DNAH12: variants seen among roughly 807,000 people sequenced by gnomAD.
DNAH12 encodes the protein axonemal beta dynein heavy chain 12.
In DNAH12, 285 loss-of-function variants were observed where a neutral mutation model predicts 371.5. That is an observed-to-expected ratio of 0.77 (90% CI 0.70 to 0.85). DNAH12 has a LOEUF of 0.85. Among genes scored for constraint, DNAH12 ranks in the 40% least tolerant of loss-of-function variants. DNAH12 has a pLI of 0.00. For synonymous variants in DNAH12, 1,200 were observed against 1,213.0 expected (o/e 0.99, Z 0.22); for missense variants, 3,611 against 3,689.4 (o/e 0.98, Z 0.55).
intron 42 of DNAH12, 30 bp from the exon 43 acceptor site, chr3:57,403,531 A>G: frequency 1.3e-6 from 2 of 1,514,880 alleles, no homozygotes; most frequent in Non-Finnish European, 1.8e-6. Flanking sequence ...TTATTAATGC[A>G]TTACAATATA....
intron 12 of DNAH12, among the ~76,000 whole-genome samples, chr3:57,487,435 G>A (rs2066971956): frequency 6.6e-6 from 1 of 151,528 alleles, no homozygotes; most frequent in Non-Finnish European, 1.5e-5. Flanking sequence ...AAAAAAGAAA[G>A]AGCAAGCATT....
At chr3:57,514,579 T>G (rs1334578975) in intron 4 of DNAH12, among the ~76,000 whole-genome samples, 1 of 151,916 alleles carries the variant, frequency 6.6e-6, no homozygotes, top group East Asian at 1.9e-4. Flanking sequence ...ACAGAAAGTA[T>G]GGGGGCATGG....
rs778694275 is a variant in DNAH12 at position 57,322,443 on chromosome 3, T to C, written c.10424A>G (p.Asn3475Ser). Reference protein sequence around the residue: ...TILQNGVKMTNEPPTGLRLNL... With the variant: ...TILQNGVKMTSEPPTGLRLNL... ...CAGCCGAAGACCCGTGGGAGGTTCATTAGTCATTTTTACTCCATTCTGTAG... is the reference window on the plus strand; with the variant it reads ...CAGCCGAAGACCCGTGGGAGGTTCACTAGTCATTTTTACTCCATTCTGTAG... The change falls in exon 65 of 74, where the codon AAT becomes AGT. Residue 3475 changes from asparagine (N) to serine (S), a missense_variant. Asn to Ser is a conservative substitution (Grantham distance 46). This residue lies in a region of DNAH12 where 2,266 missense variants were observed against 2,236.9 expected (regional missense o/e 1.01). Transcript: ENST00000495027. 3.9e-6 allele frequency: 6 copies of C among 1,552,296 alleles called. No individual in the cohort carries two copies. Among genetic ancestry groups the C allele is most frequent in the Non-Finnish European group, 5.2e-6 (6 of 1,147,126 alleles).
At position 57,411,027 on chromosome 3, in the gene DNAH12, GA is replaced by G. The variant is rs369046182; in HGVS notation, c.6021-2493del. ...TCATACTAAGGGCTAGCAATAAGAT[GA>G]AAAAAAAGGTATACCGACTGGGAAG... On this transcript the variant is annotated intron_variant, in intron 39 of 73. Coordinates refer to ENST00000495027, the MANE Select transcript of DNAH12 (RefSeq NM_001366028.2). Among the ~76,000 whole-genome samples, 8 of 151,422 alleles carry G rather than the reference GA, an allele frequency of 5.3e-5. No individual in the cohort carries two copies. In the East Asian group the frequency reaches 1.2e-3, roughly 22 times the overall value.
At chr3:57,309,074 C>A (rs1464194037) in intron 69 of DNAH12, 77 bp downstream of exon 69, 8 of 1,237,330 alleles carry the variant, frequency 6.5e-6, no homozygotes, top group Middle Eastern at 2.7e-4. Flanking sequence ...CGCCCCAACA[C>A]TTCAACACTA....
At chr3:57,546,218 A>G (rs1314290397), upstream of DNAH12, among the ~76,000 whole-genome samples, 3 of 152,146 alleles carry the variant, frequency 2.0e-5, no homozygotes, top group Non-Finnish European at 4.4e-5. Flanking sequence ...CCAGCCTCAT[A>G]GGGGGCACCC....
chr3:57,305,640 G>T (rs762100527), intron 69 of DNAH12, among the ~76,000 whole-genome samples: 1 of 151,876 alleles, frequency 6.6e-6, no homozygotes, highest in Non-Finnish European at 1.5e-5. Flanking sequence ...CTCATTTGGC[G>T]GCAACCCTGA....
chr3:57,554,984 A>G, the DNAH12 span, among the ~76,000 whole-genome samples: 4 of 152,066 alleles, frequency 2.6e-5, no homozygotes, highest in Non-Finnish European at 5.9e-5. Context: ...GGTGGTTTTC[A>G]CTTGTTATCC....
At chr3:57,373,853 CAAGTA>C (rs1422252214) in intron 55 of DNAH12, among the ~76,000 whole-genome samples, 6 of 152,258 alleles carry the variant, frequency 3.9e-5, no homozygotes, top group South Asian at 4.2e-4. Flanking sequence ...TCTTTGCTCT[CAAGTA>C]AAGTTTTGAG....
At position 57,489,648 on chromosome 3, in the gene DNAH12, G is replaced by T. The variant is rs1231955269; in HGVS notation, c.1375C>A (p.Leu459Ile). The T allele has an allele frequency of 1.3e-6, 2 of 1,524,118 alleles. No individual in the cohort carries two copies. Among genetic ancestry groups the T allele is most frequent in the Non-Finnish European group, 1.8e-6 (2 of 1,139,190 alleles). 94.4% of individuals were successfully genotyped at this position (1,524,118 alleles called of 1,614,324 possible). A position where few individuals can be genotyped will look rare whatever the true frequency, so the allele number is the denominator to read the frequency against. Residue 459 changes from leucine to isoleucine, a missense_variant, in exon 12 of 74, where the codon CTT becomes ATT. Around this residue, in one of 3 missense-constraint regions of DNAH12, gnomAD observed 1,314 missense variants for 1,398.7 expected, o/e 0.94. Coordinates refer to ENST00000495027, the MANE Select transcript of DNAH12 (RefSeq NM_001366028.2). ...KFLSLASEIMLLPQWIHYTMV... is the reference protein window; with the variant it reads ...KFLSLASEIMILPQWIHYTMV... ...GTGTAATGAATCCACTGAGGCAAAA[G>T]CATTATTTCTGAGGCAAGACTGAGA... is the stretch of plus-strand genomic sequence containing the variant.
intron 11 of DNAH12, 116 bp downstream of exon 11, chr3:57,501,205 C>T (rs1290171115): frequency 1.3e-6 from 1 of 753,362 alleles, no homozygotes; most frequent in African/African-American, 1.8e-5. Context: ...ATGAGTTTTA[C>T]TGAAATGATA....
chr3:57,454,857 T>C lies in DNAH12; in HGVS notation c.3374A>G (p.Glu1125Gly). The C allele has an allele frequency of 6.4e-7, 1 of 1,551,264 alleles. No homozygotes were observed. The highest frequency in any genetic ancestry group is 2.4e-5 in the East Asian group (1 of 40,902). ...PESARRDWVR[E>G]WPGQVVLCIS... Reference sequence around the variant, plus strand: ...ACAAAGTACAACTTGGCCAGGCCACTCTCGAACCCAGTCTCTTCTTGCAGA... The same window carrying C: ...ACAAAGTACAACTTGGCCAGGCCACCCTCGAACCCAGTCTCTTCTTGCAGA... The change falls in exon 23 of 74, where the codon GAG becomes GGG. Residue 1125 changes from glutamate to glycine, a missense_variant. Glu to Gly is a moderately conservative substitution (Grantham distance 98, BLOSUM62 -2). Coordinates refer to ENST00000495027, the MANE Select transcript of DNAH12 (RefSeq NM_001366028.2).
At chr3:57,333,315 TC>T (rs1230463073) in intron 62 of DNAH12, among the ~76,000 whole-genome samples, 2 of 148,298 alleles carry the variant, frequency 1.3e-5, no homozygotes, top group African/African-American at 5.1e-5. Context: ...GGATACATGT[TC>T]TTTTTAAGGC....
At position 57,421,645 on chromosome 3, in the gene DNAH12, C is replaced by T. The variant is rs1021500524; in HGVS notation, c.5435G>A (p.Arg1812His). 10 of 1,551,472 alleles carry T rather than the reference C, an allele frequency of 6.4e-6. No individual in the cohort carries two copies. Among genetic ancestry groups the T allele is most frequent in the Admixed American group, 2.0e-5 (1 of 50,982 alleles). The change falls in exon 36 of 74, where the codon CGT (arginine) becomes CAT (histidine). Residue 1812 changes from arginine to histidine, a missense_variant. Arg to His is a conservative substitution (Grantham distance 29). Around this residue, in one of 3 missense-constraint regions of DNAH12, gnomAD observed 2,266 missense variants for 2,236.9 expected, o/e 1.01. Transcript: ENST00000495027. ...IGGSCDTDGR[R>H]VFDTFIRLII... ...TAATCGTATGAAAGTATCAAAAACACGACGGCCATCTGTATCACAACTTCC... is the reference window on the plus strand; with the variant it reads ...TAATCGTATGAAAGTATCAAAAACATGACGGCCATCTGTATCACAACTTCC...
At position 57,405,644 on chromosome 3, in the gene DNAH12, C is replaced by T; in HGVS notation, c.6576+9G>A. The T allele has an allele frequency of 6.5e-7, 1 of 1,548,050 alleles. No homozygotes were observed. The highest frequency in any genetic ancestry group is 1.9e-4 in the Middle Eastern group (1 of 5,398). ...TTTAACTCAATATGTTCTTAATCGC[C>T]ATACTCACTGGTGCATTTTGTTTCC... On this transcript the variant is annotated intron_variant, in intron 41 of 73. Coordinates refer to ENST00000495027, the MANE Select transcript of DNAH12 (RefSeq NM_001366028.2).
At chr3:57,554,931 A>G in the DNAH12 span, among the ~76,000 whole-genome samples, 1 of 152,140 alleles carries the variant, frequency 6.6e-6, no homozygotes, top group Non-Finnish European at 1.5e-5. Flanking sequence ...TAAGACCTTT[A>G]AAAGAAATAG....
At chr3:57,555,147 G>A in the DNAH12 span, among the ~76,000 whole-genome samples, 1 of 152,052 alleles carries the variant, frequency 6.6e-6, no homozygotes, top group Non-Finnish European at 1.5e-5. Context: ...GGGAGGCTGA[G>A]GCACGAGAAT....
At chr3:57,526,324 C>G (rs543756146) in intron 2 of DNAH12, among the ~76,000 whole-genome samples, 43 of 152,156 alleles carry the variant, frequency 2.8e-4, no homozygotes, top group African/African-American at 9.9e-4. Flanking sequence ...ATGATAGGTT[C>G]TCATTCTTTT....
intron 18 of DNAH12, 47 bp downstream of exon 18, chr3:57,462,642 AT>A: frequency 2.0e-6 from 3 of 1,517,524 alleles, no homozygotes; most frequent in Non-Finnish European, 2.7e-6. Flanking sequence ...TGATTACTTG[AT>A]TAACGAAGTC....
Sources: allele counts gnomAD v4.1 joint callset (sites outside exome capture counted in the v4.1 genomes callset), GRCh38; gene constraint gnomAD v4.1.1; regional missense constraint gnomAD v4.1.1; transcripts MANE v1.5; gene names NCBI Gene and HGNC (gene_info 2026-07-23, HGNC 2026-07-21).